KIF13B: variants seen among roughly 807,000 people sequenced by gnomAD.
KIF13B encodes kinesin family member 13B, also known as kinesin-like protein KIF13B.
KIF13B carries 127 observed loss-of-function variants against 222.0 expected under a neutral mutation model. That is an observed-to-expected ratio of 0.57 (90% confidence interval 0.50 to 0.66). KIF13B has a LOEUF of 0.66. Among genes scored for constraint, KIF13B ranks in the 30% least tolerant of loss-of-function variants. KIF13B has a pLI of 0.00. For missense variants in KIF13B, 2,173 were observed against 2,379.0 expected (o/e 0.91, Z 1.80); for synonymous variants, 976 against 919.0 (o/e 1.06, Z -1.12).
rs555744998 is a variant in KIF13B at position 29,126,217 on chromosome 8, C to T, written c.3252+265G>A. 2.6e-5 allele frequency among the ~76,000 whole-genome samples: 4 copies of T among 152,198 alleles called. No individual in the cohort carries two copies. In the South Asian group the frequency reaches 6.2e-4, roughly 24 times the overall value. Reference sequence around the variant, plus strand: ...AGAGAAAATGTCCAGGGAAGAGGATCCAGAGAAACGGATCTTCAGGGAGCC... The same window carrying T: ...AGAGAAAATGTCCAGGGAAGAGGATTCAGAGAAACGGATCTTCAGGGAGCC... On this transcript the variant is annotated intron_variant, in intron 26 of 39. Transcript: ENST00000524189.
At chr8:29,142,664 A>AC (rs1491406892) in intron 18 of KIF13B, among the ~76,000 whole-genome samples, 1 of 151,978 alleles carries the variant, frequency 6.6e-6, no homozygotes, top group Non-Finnish European at 1.5e-5. Flanking sequence ...ACATGGTGAA[A>AC]CCCCTCTCTA....
intron 27 of KIF13B, 22 bp from the exon 28 acceptor site, chr8:29,123,514 T>C (rs748492741): frequency 1.1e-5 from 17 of 1,612,980 alleles, no homozygotes; most frequent in East Asian, 2.2e-5. Flanking sequence ...AGAATGAGGA[T>C]TCAATGACAA....
At chr8:29,166,873 A>G (rs1812024156) in intron 11 of KIF13B, among the ~76,000 whole-genome samples, 1 of 152,210 alleles carries the variant, frequency 6.6e-6, no homozygotes, top group East Asian at 1.9e-4. Flanking sequence ...GTACCACTAA[A>G]TACATGGGTA....
chr8:29,152,887 T>G (rs1811363259), intron 14 of KIF13B, among the ~76,000 whole-genome samples: 1 of 152,198 alleles, frequency 6.6e-6, no homozygotes, highest in Non-Finnish European at 1.5e-5. Context: ...CGCAAAGTAT[T>G]TTTAAGTTAA....
At chr8:29,209,221 G>A (rs932341237) in intron 2 of KIF13B, among the ~76,000 whole-genome samples, 2 of 152,204 alleles carry the variant, frequency 1.3e-5, no homozygotes, top group African/African-American at 4.8e-5. Context: ...ACCACTGGGA[G>A]GTGAGAGTTT....
At chr8:29,105,080 T>G (rs909108451) in intron 35 of KIF13B, among the ~76,000 whole-genome samples, 2 of 151,988 alleles carry the variant, frequency 1.3e-5, no homozygotes, top group African/African-American at 4.8e-5. Context: ...GATCCTCCCC[T>G]GCCTCAGCCT....
At chr8:29,175,967 T>C (rs971985930) in intron 10 of KIF13B, 101 bp downstream of exon 10, 8 of 708,140 alleles carry the variant, frequency 1.1e-5, no homozygotes, top group East Asian at 5.4e-5. Flanking sequence ...TGCACACCGA[T>C]AGAGGAAATG....
chr8:29,203,067 T>G, intron 2 of KIF13B, among the ~76,000 whole-genome samples: 1 of 152,200 alleles, frequency 6.6e-6, no homozygotes, highest in East Asian at 1.9e-4. Context: ...CCACTCGGTT[T>G]GTCTCATGAT....
intron 15 of KIF13B, among the ~76,000 whole-genome samples, chr8:29,149,482 C>T (rs1422851447): frequency 6.6e-6 from 1 of 152,196 alleles, no homozygotes; most frequent in Non-Finnish European, 1.5e-5. Context: ...CTTGTCAACA[C>T]AACATCAATT....
chr8:29,239,132 G>A (rs894617900), intron 2 of KIF13B, among the ~76,000 whole-genome samples: 8 of 152,056 alleles, frequency 5.3e-5, no homozygotes, highest in African/African-American at 1.2e-4. Flanking sequence ...GTGCATACCC[G>A]CCCAGCCCCC....
At chr8:29,190,623 G>C in intron 4 of KIF13B, 1 of 206,140 alleles carries the variant, frequency 4.9e-6, no homozygotes, top group Non-Finnish European at 9.8e-6. Context: ...CAAACCCAAA[G>C]AGGAGGTTGT....
At chr8:29,182,111 A>G in intron 6 of KIF13B, 105 bp from the exon 7 acceptor site, 1 of 773,960 alleles carries the variant, frequency 1.3e-6, no homozygotes, top group Non-Finnish European at 2.0e-6. Flanking sequence ...AAAGACCCCA[A>G]ATAAGTAAAA....
chr8:29,113,885 A>G (rs1169362368), intron 31 of KIF13B, among the ~76,000 whole-genome samples: 1 of 152,148 alleles, frequency 6.6e-6, no homozygotes, highest in Non-Finnish European at 1.5e-5. Context: ...CATACAATAA[A>G]ATGACCTTCT....
intron 10 of KIF13B, among the ~76,000 whole-genome samples, chr8:29,168,519 A>G (rs1330871493): frequency 6.6e-6 from 1 of 152,104 alleles, no homozygotes; most frequent in African/African-American, 2.4e-5. Context: ...ATGGCATGTC[A>G]CCTCTAAGGG....
At chr8:29,232,976 CA>C (rs1055247051) in intron 2 of KIF13B, among the ~76,000 whole-genome samples, 11 of 152,068 alleles carry the variant, frequency 7.2e-5, no homozygotes, top group Non-Finnish European at 4.4e-5. Flanking sequence ...GCCAACCTGA[CA>C]AAACCCTATC....
At chr8:29,118,444 A>C (rs1298763193) in intron 30 of KIF13B, among the ~76,000 whole-genome samples, 1 of 151,998 alleles carries the variant, frequency 6.6e-6, no homozygotes, top group Non-Finnish European at 1.5e-5. Context: ...GCAGTGAGCC[A>C]AGATCCTGCC....
Position 29,072,150 on chromosome 8 carries a change from T to A in KIF13B, c.4688A>T (p.Glu1563Val). 1 of 1,410,468 alleles carries A rather than the reference T, an allele frequency of 7.1e-7. No individual in the cohort carries two copies. Among genetic ancestry groups the A allele is most frequent in the Non-Finnish European group, 9.3e-7 (1 of 1,080,940 alleles). The allele number at this position is 1,410,468 out of a possible 1,614,324, so 87.4% of individuals were successfully genotyped here. The part of the protein sequence containing the change: ...AQDGPPSPLS[E>V]ASSGYFSHSV... ...GTGGGAGAAGTACCCGCTAGAGGCTTCACTCAGGGGGCTGGGGGGCCCGTC... is the reference window on the plus strand; with the variant it reads ...GTGGGAGAAGTACCCGCTAGAGGCTACACTCAGGGGGCTGGGGGGCCCGTC... The change falls in exon 39 of 40, where the codon GAA becomes GTA. Residue 1563 changes from glutamate to valine, a missense_variant. By Grantham distance (121) the Glu-to-Val change is moderately radical. Around this residue, in one of 2 missense-constraint regions of KIF13B, gnomAD observed 693 missense variants for 656.2 expected, o/e 1.06. Coordinates refer to ENST00000524189, the MANE Select transcript of KIF13B (RefSeq NM_015254.4).
chr8:29,141,517 A>G (rs910674771), intron 19 of KIF13B, among the ~76,000 whole-genome samples: 7 of 152,252 alleles, frequency 4.6e-5, no homozygotes, highest in Admixed American at 4.6e-4. Context: ...TTACAAAACA[A>G]AAGGCAAAGG....
At chr8:29,239,912 C>T (rs1457941581) in intron 2 of KIF13B, among the ~76,000 whole-genome samples, 1 of 151,888 alleles carries the variant, frequency 6.6e-6, no homozygotes, top group Non-Finnish European at 1.5e-5. Flanking sequence ...ATCTGCGTGC[C>T]TTGGCCTCTC....
Sources: allele counts gnomAD v4.1 joint callset (sites outside exome capture counted in the v4.1 genomes callset), GRCh38; gene constraint gnomAD v4.1.1; regional missense constraint gnomAD v4.1.1; transcripts MANE v1.5; gene names NCBI Gene and HGNC (gene_info 2026-07-23, HGNC 2026-07-21).